Variants in EPYC observed in about 807,000 individuals in gnomAD.
The protein encoded by EPYC is dermatan sulfate proteoglycan 3.
Under a neutral mutation model 30.1 loss-of-function variants are expected in EPYC, and 28 were observed. That is an observed-to-expected ratio of 0.93 (90% CI 0.69 to 1.28). The LOEUF (loss-of-function observed/expected upper bound fraction) is 1.28. EPYC is among the 50% of genes most tolerant of loss of function. The pLI is 0.00. For missense variants in EPYC, 382 were observed against 383.5 expected (o/e 1.00, Z 0.03); for synonymous variants, 144 against 141.4 (o/e 1.02, Z -0.13).
At chr12:90,999,872 T>G (rs1360868686) in intron 2 of EPYC, among the ~76,000 whole-genome samples, 1 of 152,102 alleles carries the variant, frequency 6.6e-6, no homozygotes, top group East Asian at 1.9e-4. Context: ...TCTTCTAAAT[T>G]TTGTTCCTCA....
chr12:90,978,267 A>G lies in EPYC; in HGVS notation c.166-5T>C. On this transcript the variant is annotated splice_region_variant and splice_polypyrimidine_tract_variant and intron_variant, in intron 2 of 6. Transcript: ENST00000261172. ...CATCACTGTGGCTATTTCAATCTGA[A>G]AAAAAAAAAAAAAAGAGAATTTCTT... 3.4e-6 allele frequency: 1 copy of G among 289,958 alleles called. No homozygotes were observed. The highest frequency in any genetic ancestry group is 1.5e-4 in the East Asian group (1 of 6,590). 18.0% of individuals were successfully genotyped at this position (289,958 alleles called of 1,614,324 possible).
At chr12:91,002,283 T>C in intron 2 of EPYC, 118 bp downstream of exon 2, 1 of 794,548 alleles carries the variant, frequency 1.3e-6, no homozygotes, top group East Asian at 2.8e-5. Context: ...AATATGAAAT[T>C]ATTAACATAA....
At chr12:90,965,532 T>C (rs1876872697) in intron 6 of EPYC, among the ~76,000 whole-genome samples, 1 of 152,166 alleles carries the variant, frequency 6.6e-6, no homozygotes, top group Non-Finnish European at 1.5e-5. Context: ...AATTGTCTCT[T>C]TTATTTTAGC....
At position 90,978,231 on chromosome 12, in the gene EPYC, T is replaced by C; in HGVS notation, c.197A>G (p.Asn66Ser). The change falls in exon 3 of 7, where the codon AAC becomes AGC. Residue 66 changes from asparagine to serine, a missense_variant. Transcript: ENST00000261172. Reference sequence around the variant, plus strand: ...TGGGGGTGGAGTGAGGAGCTCTCTGTTCCCTGAAGGCATCACTGTGGCTAT... The same window carrying C: ...TGGGGGTGGAGTGAGGAGCTCTCTGCTCCCTGAAGGCATCACTGTGGCTAT... ...IEIATVMPSG[N>S]RELLTPPPQP... 6.3e-7 allele frequency: 1 copy of C among 1,596,436 alleles called. No individual in the cohort carries two copies. Among genetic ancestry groups the C allele is most frequent in the Admixed American group, 1.8e-5 (1 of 56,684 alleles).
intron 2 of EPYC, among the ~76,000 whole-genome samples, chr12:90,983,001 C>T (rs1199209124): frequency 6.6e-6 from 1 of 152,090 alleles, no homozygotes; most frequent in African/African-American, 2.4e-5. Context: ...TGAATATATA[C>T]CCAGTAGTGG....
chr12:90,982,619 C>A (rs1185548702), intron 2 of EPYC, among the ~76,000 whole-genome samples: 1 of 152,092 alleles, frequency 6.6e-6, no homozygotes, highest in Non-Finnish European at 1.5e-5. Flanking sequence ...ATGTATCTTT[C>A]AACCTACATT....
rs927092765 is a variant in EPYC, at chr12:90,984,822, G to A, written c.166-6560C>T. 5.3e-5 allele frequency among the ~76,000 whole-genome samples: 8 copies of A among 152,118 alleles called. No homozygotes were observed. In the East Asian group the frequency reaches 9.7e-4, roughly 18 times the overall value. ...GGACCACAAAAACCCCCGGGCTATC[G>A]GTTATGTTCCCTTCAAGCTGTAGGG... is the stretch of plus-strand genomic sequence containing the variant. On this transcript the variant is annotated intron_variant, in intron 2 of 6. Transcript: ENST00000261172.
intron 2 of EPYC, among the ~76,000 whole-genome samples, chr12:90,985,769 A>G (rs1389352965): frequency 6.6e-6 from 1 of 152,104 alleles, no homozygotes; most frequent in East Asian, 1.9e-4. Flanking sequence ...AGAAGTCCCT[A>G]ACTAGATGAT....
intron 2 of EPYC, among the ~76,000 whole-genome samples, chr12:91,000,879 T>C (rs1162669888): frequency 6.6e-6 from 1 of 152,130 alleles, no homozygotes; most frequent in Non-Finnish European, 1.5e-5. Context: ...TCTTATATTC[T>C]ACATTGATGC....
intron 2 of EPYC, among the ~76,000 whole-genome samples, chr12:90,996,862 A>G (rs1877703573): frequency 1.3e-5 from 2 of 152,102 alleles, no homozygotes; most frequent in Admixed American, 1.3e-4. Context: ...TCATTCCAGA[A>G]AGGATACGGA....
chr12:90,978,132 T>A lies in EPYC; in HGVS notation c.296A>T (p.Gln99Leu). ...CAGAACCCCTGTGAATTCAGGCTCC[T>A]GGGGAGAAGAGCCATCAATCAGCCT... The part of the protein sequence containing the change: ...TPRLIDGSSP[Q>L]EPEFTGVLGP... The change falls in exon 3 of 7, where the codon CAG becomes CTG. Residue 99 changes from glutamine (Q) to leucine (L), a missense_variant. By Grantham distance (113) the Gln-to-Leu change is moderately radical (BLOSUM62 -2). Transcript: ENST00000261172. 6.2e-7 allele frequency: 1 copy of A among 1,600,628 alleles called. No homozygotes were observed. Among genetic ancestry groups the A allele is most frequent in the Middle Eastern group, 1.7e-4 (1 of 5,986 alleles).
chr12:91,000,165 AG>A (rs1368434961), intron 2 of EPYC, among the ~76,000 whole-genome samples: 1 of 152,080 alleles, frequency 6.6e-6, no homozygotes, highest in African/African-American at 2.4e-5. Flanking sequence ...GTCAACCACA[AG>A]GGATTGTTAG....
chr12:91,001,669 T>C (rs1877825341), intron 2 of EPYC, among the ~76,000 whole-genome samples: 1 of 152,046 alleles, frequency 6.6e-6, no homozygotes, highest in African/African-American at 2.4e-5. Flanking sequence ...TACAGTGGAG[T>C]TCCAAACTAT....
At chr12:90,992,648 C>T (rs906575376) in intron 2 of EPYC, among the ~76,000 whole-genome samples, 1 of 152,142 alleles carries the variant, frequency 6.6e-6, no homozygotes, top group Non-Finnish European at 1.5e-5. Context: ...GATTCTGCCA[C>T]CATTGCATAT....
At chr12:90,994,075 A>G (rs2120858738) in intron 2 of EPYC, among the ~76,000 whole-genome samples, 1 of 152,258 alleles carries the variant, frequency 6.6e-6, no homozygotes, top group East Asian at 1.9e-4. Context: ...ATTGTGCTGA[A>G]AATACTTATA....
intron 2 of EPYC, among the ~76,000 whole-genome samples, chr12:91,002,097 G>C (rs1877841169): frequency 6.9e-6 from 1 of 145,048 alleles, no homozygotes; most frequent in Admixed American, 7.2e-5. Context: ...GGCTGAGGCA[G>C]GAGAATTGCT....
At chr12:90,970,211 T>A in intron 5 of EPYC, 72 bp from the exon 6 acceptor site, 1 of 1,084,350 alleles carries the variant, frequency 9.2e-7, no homozygotes, top group Non-Finnish European at 1.4e-6. Flanking sequence ...AAAACACAGC[T>A]GTATTTCCCA....
Position 90,971,926 on chromosome 12 carries a change from T to G in EPYC, c.576A>C (p.Gln192His). Residue 192 changes from glutamine (Q) to histidine (H), a missense_variant, in exon 5 of 7, where the codon CAA (glutamine) becomes CAC (histidine). By Grantham distance (24) the Gln-to-His change is conservative. Transcript: ENST00000261172. ...IDEDAFRKLP[Q>H]LRELVLRDNK... ...TGTCACGCAGGACAAGCTCTCGAAG[T>G]TGAGGCAGTTTTCGGAATGCATCTT... 2 of 1,611,816 alleles carry G rather than the reference T, an allele frequency of 1.2e-6. No individual in the cohort carries two copies. The highest frequency in any genetic ancestry group is 8.5e-7 in the Non-Finnish European group (1 of 1,179,010).
intron 2 of EPYC, among the ~76,000 whole-genome samples, chr12:90,995,237 T>A (rs983616410): frequency 1.3e-5 from 2 of 152,116 alleles, no homozygotes; most frequent in African/African-American, 2.4e-5. Flanking sequence ...GCTTGCTCAA[T>A]CCTCATATTC....
Sources: gnomAD v4.1 joint callset for allele counts (sites outside exome capture counted in the v4.1 genomes callset) on GRCh38, gnomAD v4.1.1 for gene constraint, MANE v1.5 for transcripts, NCBI Gene and HGNC (gene_info 2026-07-23, HGNC 2026-07-21) for gene names.